BRD1: variants seen among roughly 807,000 people sequenced by gnomAD.
BRD1 encodes bromodomain-containing protein 1.
In BRD1, 24 loss-of-function variants were observed where a neutral mutation model predicts 107.7. The ratio of observed to expected loss-of-function variants is 0.22; its 90% CI spans 0.16 to 0.31. The LOEUF (loss-of-function observed/expected upper bound fraction) is 0.31, where lower values mean the gene tolerates loss of function less well. Ranked by LOEUF, BRD1 falls within the 10% of genes least tolerant of loss-of-function variation. The pLI, the probability that BRD1 is intolerant of heterozygous loss-of-function variation, is 1.00. For missense variants in BRD1, 1,279 were observed against 1,638.6 expected (o/e 0.78, Z 3.79); for synonymous variants, 744 against 686.1 (o/e 1.08, Z -1.32).
intron 11 of BRD1, 90 bp from the exon 12 acceptor site, chr22:49,775,835 C>CCCCGCCCCCCCG: frequency 7.4e-7 from 1 of 1,344,864 alleles, no homozygotes; most frequent in Non-Finnish European, 9.8e-7. Flanking sequence ...GCCTCCCCAC[C>CCCCGCCCCCCCG]CCAGCTGTGT....
intron 1 of BRD1, among the ~76,000 whole-genome samples, chr22:49,825,184 C>A (rs1355147513): frequency 1.3e-5 from 2 of 152,170 alleles, no homozygotes; most frequent in African/African-American, 4.8e-5. Flanking sequence ...CTCCTCCTTT[C>A]TGAGAGAATC....
chr22:49,785,362 C>T lies in BRD1; in HGVS notation c.2857+2028G>A, dbSNP rs1014195429. 3.9e-5 allele frequency among the ~76,000 whole-genome samples: 6 copies of T among 152,378 alleles called. No homozygotes were observed. The East Asian group carries it at 1.2e-3, about 29-fold the overall frequency. On this transcript the variant is annotated intron_variant, in intron 8 of 12. Coordinates refer to ENST00000404760, the MANE Select transcript of BRD1 (RefSeq NM_001304808.3). Reference sequence around the variant, plus strand: ...GGGCCTCCACGCACGCAGCCCCATACCTCTGCCGCCGACAGACGTGAAACC... The same window carrying T: ...GGGCCTCCACGCACGCAGCCCCATATCTCTGCCGCCGACAGACGTGAAACC...
chr22:49,792,654 T>G lies in BRD1; in HGVS notation c.2359+1380A>C, dbSNP rs2059457110. ...ATTGACGCCAGCCCCAAAAGAGACATTCTAGAGTCTGGGTACTATACTATG... is the reference window on the plus strand; with the variant it reads ...ATTGACGCCAGCCCCAAAAGAGACAGTCTAGAGTCTGGGTACTATACTATG... On this transcript the variant is annotated intron_variant, in intron 7 of 12. Transcript: ENST00000404760. The surrounding 1 kb of genome is among the most constrained non-coding windows in gnomAD (Gnocchi z 4.2). 6.6e-6 allele frequency among the ~76,000 whole-genome samples: 1 copy of G among 152,196 alleles called. No individual in the cohort carries two copies.
chr22:49,801,568 T>C (rs551053574), intron 3 of BRD1, among the ~76,000 whole-genome samples: 171 of 152,312 alleles, frequency 1.1e-3, no homozygotes, highest in African/African-American at 3.8e-3. Context: ...AGAGGCAGGT[T>C]TCCAGGCTCT....
chr22:49,815,177 G>A lies in BRD1; in HGVS notation c.1367+7774C>T, dbSNP rs938672267. On this transcript the variant is annotated intron_variant, in intron 2 of 12. Transcript: ENST00000404760. ...AGGTGCGGTGAGGCCAGTGAGAAAC[G>A]CAGCCCATGCTCTGAGCACTCAGAG... Among the ~76,000 whole-genome samples the A allele has an allele frequency of 8.5e-5, 13 of 152,308 alleles. No homozygotes were observed. In the East Asian group the frequency reaches 2.1e-3, roughly 25 times the overall value.
chr22:49,798,955 G>A, intron 4 of BRD1, 33 bp downstream of exon 4: 1 of 1,576,056 alleles, frequency 6.3e-7, no homozygotes, highest in Non-Finnish European at 8.6e-7. Flanking sequence ...CGTGGCCAGT[G>A]GTGCACTCCA....
intron 9 of BRD1, 72 bp from the exon 10 acceptor site, chr22:49,777,233 G>A: frequency 6.3e-7 from 1 of 1,586,880 alleles, no homozygotes; most frequent in Non-Finnish European, 8.5e-7. Flanking sequence ...TTCGTCCCGT[G>A]AGCTGTCCGC....
chr22:49,826,612 C>G (rs2060150951), intron 1 of BRD1, among the ~76,000 whole-genome samples: 1 of 152,256 alleles, frequency 6.6e-6, no homozygotes, highest in Non-Finnish European at 1.5e-5. Flanking sequence ...GCCGGCCACG[C>G]GCCGGGCCTC....
At chr22:49,826,055 G>A (rs1367556637) in intron 1 of BRD1, 1 of 527,534 alleles carries the variant, frequency 1.9e-6, no homozygotes, top group Admixed American at 6.4e-5. Context: ...CCCTGCAGAG[G>A]TGACACCACA....
At chr22:49,812,822 G>A (rs2059875812) in intron 2 of BRD1, among the ~76,000 whole-genome samples, 2 of 151,022 alleles carry the variant, frequency 1.3e-5, no homozygotes, top group African/African-American at 4.9e-5. Flanking sequence ...GTACACAGAC[G>A]CACCAAGGAC....
intron 8 of BRD1, among the ~76,000 whole-genome samples, 185 bp from the exon 9 acceptor site, chr22:49,777,998 C>T (rs932948296): frequency 7.2e-5 from 11 of 152,236 alleles, no homozygotes; most frequent in Non-Finnish European, 4.4e-5. Flanking sequence ...CAAAGTTACT[C>T]GTTAAATGAA....
chr22:49,793,535 C>T (rs1290098455), intron 7 of BRD1, among the ~76,000 whole-genome samples: 1 of 152,216 alleles, frequency 6.6e-6, no homozygotes, highest in African/African-American at 2.4e-5. Flanking sequence ...TCTGCAGGTA[C>T]CGTCCCTCCC....
Position 49,794,277 on chromosome 22 carries a change from G to A in BRD1, c.2116C>T (p.Pro706Ser). Residue 706 changes from proline (P) to serine (S), a missense_variant, in exon 7 of 13, where the codon CCC becomes TCC. Pro to Ser is a moderately conservative substitution (Grantham distance 74). Coordinates refer to ENST00000404760, the MANE Select transcript of BRD1 (RefSeq NM_001304808.3). ...AGGCCCAGGTGGGCTCTGTTGGCGGGGTCCAGCAACCTGTCCACTGAACCA... is the reference window on the plus strand; with the variant it reads ...AGGCCCAGGTGGGCTCTGTTGGCGGAGTCCAGCAACCTGTCCACTGAACCA... The part of the protein sequence containing the change: ...SWEDVDRLLD[P>S]ANRAHLGLEE... The A allele has an allele frequency of 6.2e-7, 1 of 1,611,462 alleles. No homozygotes were observed. Among genetic ancestry groups the A allele is most frequent in the Non-Finnish European group, 8.5e-7 (1 of 1,178,372 alleles).
intron 4 of BRD1, 64 bp from the exon 5 acceptor site, chr22:49,798,750 G>A (rs917641217): frequency 6.0e-5 from 89 of 1,481,242 alleles, no homozygotes; most frequent in Non-Finnish European, 7.4e-5. Context: ...CCCACCACGC[G>A]CCCCACAGCC....
intron 2 of BRD1, among the ~76,000 whole-genome samples, chr22:49,808,104 C>A (rs75914081): frequency 6.6e-6 from 1 of 152,166 alleles, no homozygotes; most frequent in African/African-American, 2.4e-5. Flanking sequence ...AAGGTGTAGC[C>A]GCTGTGGAAA....
intron 2 of BRD1, chr22:49,807,132 C>T (rs992200642): frequency 1.3e-5 from 2 of 152,068 alleles, no homozygotes; most frequent in African/African-American, 4.8e-5. Context: ...AATACTTTAC[C>T]ATGGGACCCA....
intron 6 of BRD1, 40 bp from the exon 7 acceptor site, chr22:49,794,334 C>A (rs755853375): frequency 3.2e-6 from 5 of 1,574,624 alleles, no homozygotes; most frequent in Non-Finnish European, 4.3e-6. Flanking sequence ...TCAGGTCCCA[C>A]GCACCTTCTG....
At position 49,803,244 on chromosome 22, in the gene BRD1, A is replaced by G. The variant is rs1287676858; in HGVS notation, c.1524+960T>C. Among the ~76,000 whole-genome samples the G allele has an allele frequency of 6.6e-6, 1 of 152,200 alleles. No homozygotes were observed. Among genetic ancestry groups the G allele is most frequent in the East Asian group, 1.9e-4 (1 of 5,196 alleles). On this transcript the variant is annotated intron_variant, in intron 3 of 12. Coordinates refer to ENST00000404760, the MANE Select transcript of BRD1 (RefSeq NM_001304808.3). This position sits in a 1 kb window ranked among gnomAD's most constrained non-coding sequence, Gnocchi z 4.4. Reference sequence around the variant, plus strand: ...CAGAGACAGCACCGGCCACCGCACCACCGCACGGGGACCCAACCGTGAACC... The same window carrying G: ...CAGAGACAGCACCGGCCACCGCACCGCCGCACGGGGACCCAACCGTGAACC...
At chr22:49,782,553 G>T (rs374578821) in intron 8 of BRD1, among the ~76,000 whole-genome samples, 1 of 144,646 alleles carries the variant, frequency 6.9e-6, no homozygotes, top group East Asian at 2.1e-4. Flanking sequence ...ACAGACCCAA[G>T]GCCCATCGTG....
Sources: allele counts gnomAD v4.1 joint callset (sites outside exome capture counted in the v4.1 genomes callset), GRCh38; gene constraint gnomAD v4.1.1; non-coding constraint Gnocchi (gnomAD v3.1); transcripts MANE v1.5; gene names NCBI Gene and HGNC (gene_info 2026-07-23, HGNC 2026-07-21).